ATR: variants seen among roughly 807,000 people sequenced by gnomAD.
The protein encoded by ATR is ATR checkpoint kinase, also known as serine/threonine-protein kinase ATR.
A neutral mutation model predicts 305.3 loss-of-function variants in ATR; 142 were observed. The observed-to-expected ratio is 0.47, with a 90% CI of 0.41 to 0.53. The LOEUF is 0.53. Among genes scored for constraint, ATR ranks in the 20% least tolerant of loss-of-function variants. ATR has a pLI of 0.00. For synonymous variants in ATR, 1,050 were observed against 1,068.1 expected, an observed-to-expected ratio of 0.98 and a Z score of 0.33; for missense variants, 2,135 against 3,133.1, an observed-to-expected ratio of 0.68 and a Z score of 7.60.
intron 15 of ATR, among the ~76,000 whole-genome samples, chr3:142,548,957 T>G (rs749920486): frequency 3.9e-5 from 6 of 152,192 alleles, no homozygotes; most frequent in Admixed American, 1.3e-4. Context: ...TAAAGTTATA[T>G]GCATATTTCT....
intron 21 of ATR, among the ~76,000 whole-genome samples, chr3:142,526,294 G>A (rs887548994): frequency 1.4e-4 from 21 of 152,116 alleles, no homozygotes; most frequent in Admixed American, 8.5e-4. Flanking sequence ...CATAAGAAAT[G>A]GAGATAATTT....
chr3:142,480,048 C>T (rs901327706), intron 36 of ATR, among the ~76,000 whole-genome samples: 11 of 152,140 alleles, frequency 7.2e-5, no homozygotes, highest in South Asian at 2.1e-4. Flanking sequence ...TCCTTTAGCT[C>T]GGAGAAGTTT....
At chr3:142,534,702 T>G (rs1437753552) in intron 21 of ATR, among the ~76,000 whole-genome samples, 2 of 152,240 alleles carry the variant, frequency 1.3e-5, no homozygotes, top group Non-Finnish European at 2.9e-5. Context: ...AAAACTAACG[T>G]TAATTCAGTC....
chr3:142,509,782 G>T (rs371515769), intron 27 of ATR, among the ~76,000 whole-genome samples: 7 of 151,502 alleles, frequency 4.6e-5, no homozygotes, highest in African/African-American at 1.7e-4. Context: ...AAATGTTAAA[G>T]GTATTGTACT....
intron 43 of ATR, 34 bp downstream of exon 43, chr3:142,459,193 A>G: frequency 4.3e-6 from 7 of 1,613,500 alleles, no homozygotes; most frequent in Non-Finnish European, 5.9e-6. Flanking sequence ...TAAACATTCA[A>G]CCATAACAAC....
At chr3:142,450,268 C>G (rs1444513033) in intron 46 of ATR, 1 of 735,658 alleles carries the variant, frequency 1.4e-6, no homozygotes, top group African/African-American at 1.7e-5. Flanking sequence ...AGCCAACTTT[C>G]CCTTTTGCAG....
chr3:142,523,918 G>C, intron 22 of ATR, 75 bp downstream of exon 22: 1 of 1,453,512 alleles, frequency 6.9e-7, no homozygotes, highest in Non-Finnish European at 9.5e-7. Flanking sequence ...AAGCTGAATA[G>C]TTCTTTGTAA....
intron 27 of ATR, among the ~76,000 whole-genome samples, chr3:142,511,141 T>C (rs1352878493): frequency 6.6e-6 from 1 of 152,048 alleles, no homozygotes; most frequent in Non-Finnish European, 1.5e-5. Flanking sequence ...AACTTAAATG[T>C]GAAAAAGATT....
In ATR at chr3:142,470,827, C is replaced by T. The variant is rs77979568; in HGVS notation, c.6222-644G>A. Among the ~76,000 whole-genome samples, 140 of 152,260 alleles carry T rather than the reference C, an allele frequency of 9.2e-4. 1 individual carries two copies. In the East Asian group the frequency reaches 0.018, roughly 19 times the overall value. On this transcript the variant is annotated intron_variant, in intron 36 of 46. Coordinates refer to ENST00000350721, the MANE Select transcript of ATR (RefSeq NM_001184.4). ...ACCATCCTACAAACCAACCACTCAA[C>T]GCTGTTTCTGGTAAAATTTGTGAAA...
At chr3:142,450,571 C>T (rs370460498) in intron 46 of ATR, 36 of 1,607,492 alleles carry the variant, frequency 2.2e-5, no homozygotes, top group East Asian at 8.9e-5. Context: ...ACAAACTTCA[C>T]GTTACTTAAA....
intron 21 of ATR, among the ~76,000 whole-genome samples, chr3:142,527,614 T>G (rs903250064): frequency 1.3e-5 from 2 of 152,198 alleles, no homozygotes. Flanking sequence ...ACTCATTAAT[T>G]AATTTTACTG....
rs1196022814 is a variant in ATR at position 142,528,885 on chromosome 3, T to A, written c.3946-4686A>T. ...TATATATATATATATATATATTTTT[T>A]TTTTTTTTTTTTTTTTGAGGCAGAG... is the stretch of plus-strand genomic sequence containing the variant. On this transcript the variant is annotated intron_variant, in intron 21 of 46. Transcript: ENST00000350721. 1.1e-3 allele frequency among the ~76,000 whole-genome samples: 88 copies of A among 81,240 alleles called. 1 individual carries two copies. Among genetic ancestry groups the A allele is most frequent in the African/African-American group, 5.5e-3 (71 of 12,962 alleles). 53.3% of individuals were successfully genotyped at this position (81,240 alleles called of 152,430 possible). A position where few individuals can be genotyped will look rare whatever the true frequency, so the allele number is the denominator to read the frequency against.
intron 36 of ATR, among the ~76,000 whole-genome samples, chr3:142,470,785 T>A (rs2071243208): frequency 6.6e-6 from 1 of 152,166 alleles, no homozygotes; most frequent in Non-Finnish European, 1.5e-5. Flanking sequence ...ACATCTTCCA[T>A]CAGGTCTAGT....
In ATR at chr3:142,483,952, G is replaced by T. The variant is rs6775304; in HGVS notation, c.6221+1188C>A. 8.7e-3 allele frequency among the ~76,000 whole-genome samples: 1,320 copies of T among 152,146 alleles called. 23 individuals carry two copies. Among genetic ancestry groups the T allele is most frequent in the African/African-American group, 0.029 (1,213 of 41,550 alleles). On this transcript the variant is annotated intron_variant, in intron 36 of 46. Coordinates refer to ENST00000350721, the MANE Select transcript of ATR (RefSeq NM_001184.4). ...ATGGTTGGGGACTCAGGGGATGAGGGTCTGGAATGAGAAGGATACTTAATT... is the reference window on the plus strand; with the variant it reads ...ATGGTTGGGGACTCAGGGGATGAGGTTCTGGAATGAGAAGGATACTTAATT...
At chr3:142,558,338 C>T (rs966823839) in intron 8 of ATR, among the ~76,000 whole-genome samples, 2 of 151,762 alleles carry the variant, frequency 1.3e-5, no homozygotes, top group African/African-American at 4.8e-5. Context: ...GCCTGGCTAA[C>T]ATGGTGAAAC....
At chr3:142,572,361 G>A (rs1269464617) in intron 1 of ATR, among the ~76,000 whole-genome samples, 3 of 124,568 alleles carry the variant, frequency 2.4e-5, no homozygotes, top group East Asian at 2.5e-4. Flanking sequence ...GAGCCACCAC[G>A]CCCGGCCTGA....
At chr3:142,533,136 A>G (rs971600328) in intron 21 of ATR, among the ~76,000 whole-genome samples, 2 of 149,974 alleles carry the variant, frequency 1.3e-5, no homozygotes, top group African/African-American at 4.9e-5. Context: ...CCATCTCTTA[A>G]AAAAAAAAAT....
rs774286189 is a variant in ATR at position 142,466,408 on chromosome 3, T to C, written c.6813A>G (p.Pro2271=). ...GGTTAGCATGGGTACCCAGAATTGA[T>C]GGAAGTGTAGGTATCATGACTGATT... ...PLQSVMIPTL[P]SILGTHANHA... The change falls in exon 40 of 47, where the codon CCA becomes CCG. Residue 2271 remains proline (P), a synonymous_variant. Coordinates refer to ENST00000350721, the MANE Select transcript of ATR (RefSeq NM_001184.4). 6.2e-7 allele frequency: 1 copy of C among 1,614,034 alleles called. No homozygotes were observed. The highest frequency in any genetic ancestry group is 8.5e-7 in the Non-Finnish European group (1 of 1,179,928).
At chr3:142,490,851 T>C (rs1235645950) in intron 35 of ATR, among the ~76,000 whole-genome samples, 2 of 152,192 alleles carry the variant, frequency 1.3e-5, no homozygotes, top group African/African-American at 4.8e-5. Context: ...GAATAGTTTA[T>C]AATCTTTTGA....
Sources: gnomAD v4.1 joint callset for allele counts (sites outside exome capture counted in the v4.1 genomes callset) on GRCh38, gnomAD v4.1.1 for gene constraint, MANE v1.5 for transcripts, NCBI Gene and HGNC (gene_info 2026-07-23, HGNC 2026-07-21) for gene names.